The following NDST1 variants were observed in gnomAD, a reference collection of about 807,000 sequenced individuals.
NDST1 encodes N-deacetylase and N-sulfotransferase 1.
A neutral mutation model predicts 92.8 loss-of-function variants in NDST1; 35 were observed. That is an observed-to-expected ratio of 0.38 (90% confidence interval 0.29 to 0.50). NDST1 has a LOEUF of 0.50. NDST1 is among the 20% of genes least tolerant of loss of function. The probability of loss-of-function intolerance (pLI) is 0.94; values close to 1 mark genes in which losing one functional copy is unlikely to be tolerated. For missense variants in NDST1, 822 were observed against 1,182.7 expected (o/e 0.69, Z 4.47); for synonymous variants, 493 against 500.3 (o/e 0.99, Z 0.19).
At chr5:150,533,613 A>G (rs1754845308) in intron 4 of NDST1, among the ~76,000 whole-genome samples, 2 of 152,224 alleles carry the variant, frequency 1.3e-5, no homozygotes, top group South Asian at 2.1e-4. Context: ...TGCAGTGACC[A>G]TTCCCCCTAG....
rs141433490 is a variant in NDST1, at chr5:150,521,244, C to T, written c.-11C>T. The T allele has an allele frequency of 1.5e-5, 24 of 1,602,582 alleles. No homozygotes were observed. The South Asian group carries it at 1.8e-4, about 12-fold the overall frequency. ...GCCGGGCCTCCGGTGGCCAAGGTCTCGGAGGCCAGGATGCCTGCCCTGGCA... is the reference window on the plus strand; with the variant it reads ...GCCGGGCCTCCGGTGGCCAAGGTCTTGGAGGCCAGGATGCCTGCCCTGGCA... On this transcript the variant is annotated 5_prime_UTR_variant, in exon 2 of 15. Transcript: ENST00000261797. This position sits in a 1 kb window ranked among gnomAD's most constrained non-coding sequence, Gnocchi z 5.9.
At chr5:150,500,673 G>A (rs1223979221) in intron 1 of NDST1, among the ~76,000 whole-genome samples, 1 of 152,256 alleles carries the variant, frequency 6.6e-6, no homozygotes, top group Non-Finnish European at 1.5e-5. Context: ...CTGGTATCAG[G>A]CCCCACAGGG....
chr5:150,503,690 C>T (rs1481826059), upstream of NDST1, among the ~76,000 whole-genome samples: 1 of 152,146 alleles, frequency 6.6e-6, no homozygotes, highest in Non-Finnish European at 1.5e-5. Context: ...GAGCCCCTTC[C>T]ACCTTCCAGA....
chr5:150,500,607 G>T (rs141238029), intron 1 of NDST1, among the ~76,000 whole-genome samples: 3 of 152,338 alleles, frequency 2.0e-5, no homozygotes, highest in Admixed American at 6.5e-5. Flanking sequence ...TTAGGGAACA[G>T]GTCAGGAGAG....
At position 150,553,646 on chromosome 5, in the gene NDST1, G is replaced by A. The variant is rs540433680; in HGVS notation, c.*314G>A. 18 of 423,920 alleles carry A rather than the reference G, an allele frequency of 4.2e-5. No individual in the cohort carries two copies. Among genetic ancestry groups the A allele is most frequent in the East Asian group, 2.6e-4 (5 of 19,476 alleles). 26.3% of individuals were successfully genotyped at this position (423,920 alleles called of 1,614,324 possible). On this transcript the variant is annotated 3_prime_UTR_variant, in exon 15 of 15. Transcript: ENST00000261797. This position sits in a 1 kb window ranked among gnomAD's most constrained non-coding sequence, Gnocchi z 4.2. Reference sequence around the variant, plus strand: ...TCTTTTCTGTCCCTCACTGTGTTCCGCCGACTGTCCCCTCTCGTCACCCAT... The same window carrying A: ...TCTTTTCTGTCCCTCACTGTGTTCCACCGACTGTCCCCTCTCGTCACCCAT...
At chr5:150,550,390 C>T (rs1755669680) in intron 13 of NDST1, 1 of 156,408 alleles carries the variant, frequency 6.4e-6, no homozygotes, top group Admixed American at 6.2e-5. Context: ...CCCCAGCCAG[C>T]ATTAGATTTT....
Position 150,545,492 on chromosome 5 carries a change from T to G in NDST1, c.2145+6T>G. On this transcript the variant is annotated splice_donor_region_variant and intron_variant, in intron 11 of 14. Transcript: ENST00000261797. ...GGGCCTATTCCTGGTACCAGGTGAG[T>G]GGGGCTGGGGTGGAGTCCCTGTGTC... 6.2e-7 allele frequency: 1 copy of G among 1,614,070 alleles called. No individual in the cohort carries two copies. The highest frequency in any genetic ancestry group is 8.5e-7 in the Non-Finnish European group (1 of 1,179,980).
intron 11 of NDST1, among the ~76,000 whole-genome samples, chr5:150,546,726 C>T (rs776137931): frequency 2.6e-5 from 4 of 152,262 alleles, no homozygotes; most frequent in East Asian, 3.8e-4. Flanking sequence ...TGCGGTCTCC[C>T]GCAGGGCTGG....
At position 150,542,321 on chromosome 5, in the gene NDST1, TGAG is replaced by T. The variant is rs553201706; in HGVS notation, c.1847-519_1847-517del. On this transcript the variant is annotated intron_variant, in intron 9 of 14. Coordinates refer to ENST00000261797, the MANE Select transcript of NDST1 (RefSeq NM_001543.5). ...TACCACAGAAAGTGAATGAACTCAC[TGAG>T]GAGGAGGTAGGGCAGGGTGCATGAG... Among the ~76,000 whole-genome samples, 332 of 152,260 alleles carry T rather than the reference TGAG, an allele frequency of 2.2e-3. 1 individual carries two copies. Among genetic ancestry groups the T allele is most frequent in the African/African-American group, 7.8e-3 (324 of 41,534 alleles).
At chr5:150,523,339 G>A (rs779786175) in intron 2 of NDST1, among the ~76,000 whole-genome samples, 3 of 152,186 alleles carry the variant, frequency 2.0e-5, no homozygotes, top group Non-Finnish European at 4.4e-5. Context: ...ACTTCGTTAA[G>A]TTCTATTCAG....
At chr5:150,503,240 C>T (rs371038900), upstream of NDST1, among the ~76,000 whole-genome samples, 186 of 152,162 alleles carry the variant, frequency 1.2e-3, 3 homozygotes, top group South Asian at 0.014. Context: ...GTCAGGAGTT[C>T]GAGACCAGCC....
At chr5:150,552,288 G>C (rs963884517) in intron 14 of NDST1, among the ~76,000 whole-genome samples, 4 of 152,120 alleles carry the variant, frequency 2.6e-5, no homozygotes, top group Admixed American at 1.3e-4. Context: ...AAGGAGGGAT[G>C]GGGGTCTCTG....
In NDST1 at chr5:150,528,343, C is replaced by T. The variant is rs752614054; in HGVS notation, c.1008+45C>T. On this transcript the variant is annotated intron_variant, in intron 3 of 14. Coordinates refer to ENST00000261797, the MANE Select transcript of NDST1 (RefSeq NM_001543.5). ...ACCGGGCAAGGCAGGTGGGGCCTGGCAAGCTTCAGCCTTCAGGTGCCCCAT... is the reference window on the plus strand; with the variant it reads ...ACCGGGCAAGGCAGGTGGGGCCTGGTAAGCTTCAGCCTTCAGGTGCCCCAT... 1.7e-5 allele frequency: 26 copies of T among 1,548,120 alleles called. No individual in the cohort carries two copies. In the South Asian group the frequency reaches 2.4e-4, roughly 14 times the overall value.
intron 1 of NDST1, among the ~76,000 whole-genome samples, chr5:150,508,484 G>T (rs1753569904): frequency 1.3e-5 from 2 of 152,302 alleles, no homozygotes; most frequent in South Asian, 4.1e-4. Context: ...ATTCCTGATG[G>T]AGGAGAAGGA....
intron 1 of NDST1, among the ~76,000 whole-genome samples, chr5:150,498,796 G>A (rs1753108211): frequency 6.6e-6 from 1 of 152,178 alleles, no homozygotes; most frequent in Admixed American, 6.5e-5. Flanking sequence ...GAGGTTTGCT[G>A]GGCTGGCGGC....
At chr5:150,534,720 C>G in intron 4 of NDST1, 147 bp from the exon 5 acceptor site, 1 of 926,216 alleles carries the variant, frequency 1.1e-6, no homozygotes, top group Admixed American at 2.2e-5. Context: ...GGCTGGGGCT[C>G]TGTCTGCTCC....
chr5:150,516,976 AGTGTGTGT>A lies in NDST1; in HGVS notation c.-387-3857_-387-3850del, dbSNP rs56170880. Among the ~76,000 whole-genome samples, 537 of 143,756 alleles carry A rather than the reference AGTGTGTGT, an allele frequency of 3.7e-3. 6 individuals are homozygous for A. Among genetic ancestry groups the A allele is most frequent in the South Asian group, 0.02 (90 of 4,392 alleles). The allele number at this position is 143,756 out of a possible 152,430, so 94.3% of individuals were successfully genotyped here. On this transcript the variant is annotated intron_variant, in intron 1 of 14. Transcript: ENST00000261797. ...CCACCACACCATTATGACATTTTCT[AGTGTGTGT>A]GTGTGTGTGTGTGTGTGTGTGTGTG...
chr5:150,512,246 G>A (rs2151254499), intron 1 of NDST1, among the ~76,000 whole-genome samples: 1 of 152,252 alleles, frequency 6.6e-6, no homozygotes, highest in South Asian at 2.1e-4. Flanking sequence ...TGTGGTGTGT[G>A]TGTTGGGGGG....
intron 3 of NDST1, among the ~76,000 whole-genome samples, chr5:150,530,557 ATTTTTTT>A (rs71589713): frequency 1.7e-4 from 22 of 127,260 alleles, no homozygotes; most frequent in Admixed American, 3.1e-4. Flanking sequence ...CGTATTTTAA[ATTTTTTT>A]TTTTTTTTTT....
Sources: allele counts gnomAD v4.1 joint callset (sites outside exome capture counted in the v4.1 genomes callset), GRCh38; gene constraint gnomAD v4.1.1; non-coding constraint Gnocchi (gnomAD v3.1); transcripts MANE v1.5; gene names NCBI Gene and HGNC (gene_info 2026-07-23, HGNC 2026-07-21).